The following PTPRG variants were observed in gnomAD, a reference collection of about 807,000 sequenced individuals.
PTPRG encodes the protein protein tyrosine phosphatase receptor type G.
A neutral mutation model predicts 165.3 loss-of-function variants in PTPRG; 102 were observed. The ratio of observed to expected loss-of-function variants is 0.62; its 90% confidence interval spans 0.53 to 0.73. The LOEUF (loss-of-function observed/expected upper bound fraction) is 0.73. Ranked by LOEUF, PTPRG falls within the 30% of genes least tolerant of loss-of-function variation. PTPRG has a pLI of 0.00. For synonymous variants in PTPRG, 675 were observed against 669.5 expected, an observed-to-expected ratio of 1.01 and a Z score of -0.13; for missense variants, 1,866 against 1,861.4, an observed-to-expected ratio of 1.00 and a Z score of -0.05.
chr3:61,732,348 T>C (rs915847263), intron 1 of PTPRG, among the ~76,000 whole-genome samples: 3 of 151,952 alleles, frequency 2.0e-5, no homozygotes, highest in Non-Finnish European at 2.9e-5. Flanking sequence ...GAGGCCGAGG[T>C]GGGCGGATCA....
At position 62,032,447 on chromosome 3, in the gene PTPRG, T is replaced by G. The variant is rs527566926; in HGVS notation, c.519+28950T>G. Among the ~76,000 whole-genome samples, 11 of 152,340 alleles carry G rather than the reference T, an allele frequency of 7.2e-5. No homozygotes were observed. In the South Asian group the frequency reaches 2.1e-3, roughly 29 times the overall value. ...CCGAATATACTATTGTAGGAAATTC[T>G]GGAGTTTCCAGTGGCTAAACTGGCA... On this transcript the variant is annotated intron_variant, in intron 4 of 29. Transcript: ENST00000474889.
chr3:61,626,867 G>A (rs1055833661), intron 1 of PTPRG, among the ~76,000 whole-genome samples: 11 of 152,202 alleles, frequency 7.2e-5, no homozygotes, highest in African/African-American at 2.4e-4. Flanking sequence ...TCAAGATCAA[G>A]CTTCTGATCA....
intron 5 of PTPRG, among the ~76,000 whole-genome samples, chr3:62,101,995 C>CT (rs1018849878): frequency 1.6e-4 from 25 of 152,000 alleles, no homozygotes; most frequent in African/African-American, 5.1e-4. Context: ...TGAGAATGGA[C>CT]TTTTTTTTCC....
intron 1 of PTPRG, among the ~76,000 whole-genome samples, chr3:61,607,777 TAAATA>T (rs1286291896): frequency 6.6e-6 from 1 of 152,076 alleles, no homozygotes; most frequent in Non-Finnish European, 1.5e-5. Context: ...GGGTTGCAAA[TAAATA>T]AATGCCATGT....
At chr3:61,912,387 TA>T (rs1426259064) in intron 2 of PTPRG, among the ~76,000 whole-genome samples, 1 of 152,184 alleles carries the variant, frequency 6.6e-6, no homozygotes, top group African/African-American at 2.4e-5. Context: ...CTTTTAAATT[TA>T]AAAATTACTC....
At position 62,249,229 on chromosome 3, in the gene PTPRG, T is replaced by C. The variant is rs1701356345; in HGVS notation, c.2467+5331T>C. On this transcript the variant is annotated intron_variant, in intron 15 of 29. Transcript: ENST00000474889. Reference sequence around the variant, plus strand: ...CCTTTTGTTTCATATTTGCTTTATCTTCCTAAGTTGACACAAAGGTATTAC... The same window carrying C: ...CCTTTTGTTTCATATTTGCTTTATCCTCCTAAGTTGACACAAAGGTATTAC... 2.6e-5 allele frequency among the ~76,000 whole-genome samples: 4 copies of C among 152,328 alleles called. 1 individual carries two copies. The South Asian group carries it at 8.3e-4, about 32-fold the overall frequency.
chr3:61,971,961 A>G (rs535549541), intron 2 of PTPRG, among the ~76,000 whole-genome samples: 1 of 152,410 alleles, frequency 6.6e-6, no homozygotes, highest in South Asian at 2.1e-4. Flanking sequence ...AGCAATGCAT[A>G]TAATGGGCCC....
At chr3:61,887,143 TATATATATATATATATATATATA>T (rs2038066039) in intron 2 of PTPRG, among the ~76,000 whole-genome samples, 2 of 55,714 alleles carry the variant, frequency 3.6e-5, no homozygotes, top group African/African-American at 7.7e-5. Context: ...TATATATATA[TATATATATATATATATATATATA>T]TATATTTTTA....
Position 61,919,489 on chromosome 3 carries a change from C to T in PTPRG, c.191-70136C>T, listed in dbSNP as rs1320354349. ...CAGGGTCTAAACAGCTTTGTGCCTC[C>T]CTCCACGATGGAGTTTCCTACTTAA... On this transcript the variant is annotated intron_variant, in intron 2 of 29. Coordinates refer to ENST00000474889, the MANE Select transcript of PTPRG (RefSeq NM_002841.4). Among the ~76,000 whole-genome samples, 3 of 152,130 alleles carry T rather than the reference C, an allele frequency of 2.0e-5. No homozygotes were observed. In the East Asian group the frequency reaches 5.8e-4, roughly 29 times the overall value.
At chr3:61,822,414 C>T (rs2035981651) in intron 2 of PTPRG, among the ~76,000 whole-genome samples, 1 of 152,176 alleles carries the variant, frequency 6.6e-6, no homozygotes, top group Non-Finnish European at 1.5e-5. Flanking sequence ...TGAGGACTAA[C>T]ATGTTAGTGT....
intron 5 of PTPRG, among the ~76,000 whole-genome samples, chr3:62,105,563 C>T (rs1702446066): frequency 6.6e-6 from 1 of 152,154 alleles, no homozygotes; most frequent in Non-Finnish European, 1.5e-5. Flanking sequence ...GTTTACTTGT[C>T]TAGAGAGGCA....
intron 1 of PTPRG, among the ~76,000 whole-genome samples, chr3:61,665,982 C>CTT (rs34088763): frequency 7.1e-6 from 1 of 139,948 alleles, no homozygotes; most frequent in Admixed American, 7.1e-5. Flanking sequence ...CGCCTTTTTA[C>CTT]TTTTTTTTTT....
At chr3:62,153,922 C>T (rs1010486059) in intron 6 of PTPRG, among the ~76,000 whole-genome samples, 1 of 152,134 alleles carries the variant, frequency 6.6e-6, no homozygotes, top group Non-Finnish European at 1.5e-5. Flanking sequence ...CAGTTTTCAG[C>T]CCTGAATGAT....
intron 2 of PTPRG, among the ~76,000 whole-genome samples, chr3:61,888,902 G>A (rs1207432965): frequency 6.6e-6 from 1 of 152,126 alleles, no homozygotes; most frequent in Non-Finnish European, 1.5e-5. Context: ...CAGTTATTTT[G>A]CAGAATGTCT....
At chr3:62,106,968 T>C (rs1702494954) in intron 5 of PTPRG, among the ~76,000 whole-genome samples, 1 of 152,206 alleles carries the variant, frequency 6.6e-6, no homozygotes, top group Non-Finnish European at 1.5e-5. Flanking sequence ...GATAACTGCC[T>C]TTTCTGGATT....
intron 8 of PTPRG, among the ~76,000 whole-genome samples, chr3:62,187,200 C>G (rs565597467): frequency 2.0e-5 from 3 of 152,344 alleles, no homozygotes; most frequent in African/African-American, 7.2e-5. Flanking sequence ...TAATACAACT[C>G]CACGTACTAG....
At chr3:61,999,529 C>G (rs17334455) in intron 3 of PTPRG, among the ~76,000 whole-genome samples, 17,400 of 152,234 alleles carry the variant, frequency 0.11, 1,273 homozygotes, top group Middle Eastern at 0.24. Context: ...CTGTCTTTAG[C>G]TGTTAGCTTG....
intron 29 of PTPRG, 95 bp downstream of exon 29, chr3:62,292,651 C>T (rs1183870084): frequency 6.3e-6 from 9 of 1,423,992 alleles, no homozygotes; most frequent in Admixed American, 2.0e-5. Flanking sequence ...GGTGATTTTG[C>T]CCCCCAGGGG....
intron 1 of PTPRG, among the ~76,000 whole-genome samples, chr3:61,712,913 G>A (rs1032921628): frequency 6.6e-6 from 1 of 152,216 alleles, no homozygotes; most frequent in Non-Finnish European, 1.5e-5. Context: ...TCAGTACACA[G>A]TGGGAGGTGA....
Sources: gnomAD v4.1 joint callset for allele counts (sites outside exome capture counted in the v4.1 genomes callset) on GRCh38, gnomAD v4.1.1 for gene constraint, MANE v1.5 for transcripts, NCBI Gene and HGNC (gene_info 2026-07-23, HGNC 2026-07-21) for gene names.